AUTS2: variants seen among roughly 807,000 people sequenced by gnomAD.
AUTS2 encodes the protein autism susceptibility gene 2 protein.
AUTS2 carries 17 observed loss-of-function variants against 112.4 expected under a neutral mutation model. The ratio of observed to expected loss-of-function variants is 0.15; its 90% confidence interval spans 0.10 to 0.23. The LOEUF (loss-of-function observed/expected upper bound fraction) is 0.23. AUTS2 is among the 10% of genes least tolerant of loss of function. The pLI is 1.00. For missense variants in AUTS2, 1,510 were observed against 1,701.6 expected, an observed-to-expected ratio of 0.89 and a Z score of 1.98; for synonymous variants, 751 against 702.7, an observed-to-expected ratio of 1.07 and a Z score of -1.09.
intron 2 of AUTS2, among the ~76,000 whole-genome samples, chr7:70,025,248 T>C (rs2129555741): frequency 6.6e-6 from 1 of 152,230 alleles, no homozygotes; most frequent in African/African-American, 2.4e-5. Flanking sequence ...ATTTTATGGG[T>C]GAGGAAACTG....
chr7:69,696,957 C>T (rs646233), intron 1 of AUTS2, among the ~76,000 whole-genome samples: 93,426 of 152,086 alleles, frequency 0.61, 29,013 homozygotes, highest in East Asian at 0.7. Context: ...ATCTAAAAAA[C>T]GTTTAGAGTT....
intron 5 of AUTS2, among the ~76,000 whole-genome samples, chr7:70,574,125 T>C (rs1802062374): frequency 6.6e-6 from 1 of 152,118 alleles, no homozygotes; most frequent in African/African-American, 2.4e-5. Context: ...CCATAGCAGT[T>C]GGGGAATTAC....
At chr7:70,116,615 C>A (rs753658324) in intron 2 of AUTS2, among the ~76,000 whole-genome samples, 4 of 152,184 alleles carry the variant, frequency 2.6e-5, no homozygotes, top group Admixed American at 6.5e-5. Context: ...TTCTTATTGT[C>A]TCCCCAAAGG....
intron 2 of AUTS2, among the ~76,000 whole-genome samples, chr7:69,994,919 C>G (rs1798881376): frequency 6.6e-6 from 1 of 152,154 alleles, no homozygotes; most frequent in Admixed American, 6.5e-5. Flanking sequence ...TCAACTCGCC[C>G]TTTATCTTTC....
At chr7:69,888,347 A>G (rs1794365451) in intron 1 of AUTS2, among the ~76,000 whole-genome samples, 1 of 151,352 alleles carries the variant, frequency 6.6e-6, no homozygotes, top group Non-Finnish European at 1.5e-5. Context: ...AGGTCGCATG[A>G]TGAGAGAGGA....
At chr7:70,546,620 T>C (rs985508698) in intron 5 of AUTS2, among the ~76,000 whole-genome samples, 7 of 150,666 alleles carry the variant, frequency 4.6e-5, no homozygotes, top group Admixed American at 1.3e-4. Context: ...CTACTAAAAA[T>C]ACAAAAAAAT....
intron 1 of AUTS2, among the ~76,000 whole-genome samples, chr7:69,855,151 C>T (rs1443486737): frequency 6.6e-6 from 1 of 152,160 alleles, no homozygotes; most frequent in Non-Finnish European, 1.5e-5. Context: ...AAGAGCATTA[C>T]CTATGAGCTT....
intron 1 of AUTS2, among the ~76,000 whole-genome samples, chr7:69,717,598 A>T (rs888360449): frequency 6.6e-6 from 1 of 152,052 alleles, no homozygotes; most frequent in Non-Finnish European, 1.5e-5. Flanking sequence ...AGGAAAAAAA[A>T]TTTTTTTTGA....
intron 5 of AUTS2, among the ~76,000 whole-genome samples, chr7:70,628,062 T>C (rs746392890): frequency 6.6e-6 from 1 of 152,172 alleles, no homozygotes; most frequent in Non-Finnish European, 1.5e-5. Context: ...GGCTCATTGA[T>C]CTATAAGTAG....
At position 69,762,293 on chromosome 7, in the gene AUTS2, C is replaced by CTTT. The variant is rs534032498; in HGVS notation, c.310-136964_310-136962dup. ...TTCCCAAACATTTTAGCCAAGTTGT[C>CTTT]TTTTTTTTTTTTTTTTTTTTTTTTT... On this transcript the variant is annotated intron_variant, in intron 1 of 18. Transcript: ENST00000342771. 2.5e-3 allele frequency among the ~76,000 whole-genome samples: 156 copies of CTTT among 61,600 alleles called. 27 individuals carry two copies. The highest frequency in any genetic ancestry group is 3.8e-3 in the African/African-American group (59 of 15,412). The allele number at this position is 61,600 out of a possible 152,430, so 40.4% of individuals were successfully genotyped here. A position where few individuals can be genotyped will look rare whatever the true frequency, so the allele number is the denominator to read the frequency against.
At chr7:70,070,889 A>G (rs1802733147) in intron 2 of AUTS2, among the ~76,000 whole-genome samples, 1 of 151,932 alleles carries the variant, frequency 6.6e-6, no homozygotes, top group Admixed American at 6.6e-5. Context: ...AAAAAAAAAA[A>G]AAAAGAAAGG....
chr7:70,399,352 C>T (rs140870128), intron 4 of AUTS2, among the ~76,000 whole-genome samples: 73 of 152,188 alleles, frequency 4.8e-4, no homozygotes, highest in African/African-American at 1.6e-3. Flanking sequence ...AATATTACGC[C>T]ATTCTATGTA....
intron 1 of AUTS2, among the ~76,000 whole-genome samples, chr7:69,846,945 A>G (rs1792229962): frequency 6.6e-6 from 1 of 152,170 alleles, no homozygotes; most frequent in Admixed American, 6.5e-5. Context: ...GGAGCAAGCT[A>G]AGTCATTTGA....
intron 6 of AUTS2, among the ~76,000 whole-genome samples, chr7:70,757,932 C>A (rs1432001615): frequency 6.9e-6 from 1 of 144,564 alleles, no homozygotes; most frequent in African/African-American, 2.7e-5. Flanking sequence ...CAGGCAGACA[C>A]CACCACACCT....
At chr7:70,710,743 T>C (rs1489361090) in intron 6 of AUTS2, among the ~76,000 whole-genome samples, 1 of 152,218 alleles carries the variant, frequency 6.6e-6, no homozygotes, top group African/African-American at 2.4e-5. Flanking sequence ...ACTGTGCTCC[T>C]CACTTTCTGA....
chr7:70,517,298 C>T (rs1420159664), intron 5 of AUTS2, among the ~76,000 whole-genome samples: 17 of 152,170 alleles, frequency 1.1e-4, no homozygotes, highest in Non-Finnish European at 8.8e-5. Flanking sequence ...CTTCAAATGG[C>T]AACTAGAGAG....
In AUTS2 at chr7:70,271,258, A is replaced by T. The variant is rs80160493; in HGVS notation, c.660+136687A>T. 2.7e-3 allele frequency among the ~76,000 whole-genome samples: 416 copies of T among 152,320 alleles called. 3 individuals carry two copies. The highest frequency in any genetic ancestry group is 9.7e-3 in the African/African-American group (404 of 41,580). ...AAAATGGCATTAAATAGAAAATCTC[A>T]CACTCTTTTCTTCAGAATGCTTTTC... On this transcript the variant is annotated intron_variant, in intron 4 of 18. Transcript: ENST00000342771.
At chr7:69,778,816 A>G (rs1416643948) in intron 1 of AUTS2, among the ~76,000 whole-genome samples, 1 of 152,082 alleles carries the variant, frequency 6.6e-6, no homozygotes, top group Non-Finnish European at 1.5e-5. Flanking sequence ...ACCACCATCA[A>G]TAATAAGCAT....
intron 5 of AUTS2, among the ~76,000 whole-genome samples, chr7:70,473,263 AG>A (rs1170786791): frequency 1.3e-5 from 2 of 152,232 alleles, no homozygotes; most frequent in Non-Finnish European, 2.9e-5. Flanking sequence ...CATGTTCAAA[AG>A]TTTTATGAAT....
Sources: allele counts gnomAD v4.1 joint callset (sites outside exome capture counted in the v4.1 genomes callset), GRCh38; gene constraint gnomAD v4.1.1; transcripts MANE v1.5; gene names NCBI Gene and HGNC (gene_info 2026-07-23, HGNC 2026-07-21).